The following RAPH1 variants were observed in gnomAD, a reference collection of about 807,000 sequenced individuals.
The protein encoded by RAPH1 is ras-associated and pleckstrin homology domains-containing protein 1.
A neutral mutation model predicts 88.1 loss-of-function variants in RAPH1; 18 were observed. The ratio of observed to expected loss-of-function variants is 0.20; its 90% CI spans 0.14 to 0.30. The LOEUF is 0.30. Among genes scored for constraint, RAPH1 ranks in the 10% least tolerant of loss-of-function variants. The probability of loss-of-function intolerance (pLI) is 1.00; values close to 1 mark genes in which losing one functional copy is unlikely to be tolerated. For synonymous variants in RAPH1, 587 were observed against 559.0 expected (o/e 1.05, Z -0.71); for missense variants, 1,448 against 1,543.2 (o/e 0.94, Z 1.03).
At chr2:203,521,202 T>C (rs2105966292) in intron 1 of RAPH1, among the ~76,000 whole-genome samples, 1 of 152,082 alleles carries the variant, frequency 6.6e-6, no homozygotes, top group South Asian at 2.1e-4. Flanking sequence ...TACAGGTAGG[T>C]GCCACCATAC....
In RAPH1 at chr2:203,437,664, T is replaced by G. The variant is rs140938480; in HGVS notation, c.*1773A>C. 1,126 of 153,592 alleles carry G rather than the reference T, an allele frequency of 7.3e-3. 4 individuals carry two copies. The highest frequency in any genetic ancestry group is 0.013 in the Middle Eastern group (4 of 298). The allele number at this position is 153,592 out of a possible 1,614,324, so 9.5% of individuals were successfully genotyped here. On this transcript the variant is annotated 3_prime_UTR_variant, in exon 14 of 14. Coordinates refer to ENST00000319170, the MANE Select transcript of RAPH1 (RefSeq NM_213589.3). ...CAATGGAGAGGTGCTGTTCACTCTC[T>G]GTTTACGATGCGGTTTTCGTGGAGT...
At chr2:203,489,490 TAGA>T in intron 4 of RAPH1, 91 bp downstream of exon 4, 2 of 936,954 alleles carry the variant, frequency 2.1e-6, no homozygotes, top group African/African-American at 1.7e-5. Flanking sequence ...ATTATAAATG[TAGA>T]AGAATTTAAG....
intron 10 of RAPH1, among the ~76,000 whole-genome samples, chr2:203,450,960 T>G (rs912937723): frequency 5.9e-5 from 9 of 152,070 alleles, no homozygotes; most frequent in African/African-American, 1.9e-4. Flanking sequence ...TCCTCCACCC[T>G]GTTCTCCTCA....
chr2:203,451,369 A>G (rs974312384), intron 10 of RAPH1, among the ~76,000 whole-genome samples: 4 of 152,126 alleles, frequency 2.6e-5, no homozygotes, highest in Non-Finnish European at 4.4e-5. Context: ...AGCGCTCAAA[A>G]TTGCTTCCGA....
chr2:203,470,138 C>A, intron 4 of RAPH1: 1 of 719,240 alleles, frequency 1.4e-6, no homozygotes, highest in Non-Finnish European at 2.3e-6. Flanking sequence ...GACAAAGATG[C>A]TAGAGTAAGA....
At chr2:203,475,157 C>T (rs940085882) in intron 4 of RAPH1, among the ~76,000 whole-genome samples, 1 of 152,198 alleles carries the variant, frequency 6.6e-6, no homozygotes, top group African/African-American at 2.4e-5. Flanking sequence ...CCTGTAATCC[C>T]AGCACCTTGG....
chr2:203,499,940 A>G (rs566554173), intron 1 of RAPH1, among the ~76,000 whole-genome samples: 1 of 152,306 alleles, frequency 6.6e-6, no homozygotes, highest in Admixed American at 6.5e-5. Flanking sequence ...ATCTTGGGTC[A>G]GCCCTCTAAA....
rs1254240215 is a variant in RAPH1, at chr2:203,438,734, T to A, written c.*703A>T. The A allele has an allele frequency of 6.5e-6, 1 of 154,684 alleles. No homozygotes were observed. 9.6% of individuals were successfully genotyped at this position (154,684 alleles called of 1,614,324 possible). A position where few individuals can be genotyped will look rare whatever the true frequency, so the allele number is the denominator to read the frequency against. On this transcript the variant is annotated 3_prime_UTR_variant, in exon 14 of 14. Transcript: ENST00000319170. Reference sequence around the variant, plus strand: ...AGTACTGCAGCTAGAACAGCTGAGTTAATTACGCCATGTATTTACTTTCTA... The same window carrying A: ...AGTACTGCAGCTAGAACAGCTGAGTAAATTACGCCATGTATTTACTTTCTA...
chr2:203,521,158 AT>A (rs777801938), intron 1 of RAPH1, among the ~76,000 whole-genome samples: 2 of 152,078 alleles, frequency 1.3e-5, no homozygotes, highest in African/African-American at 2.4e-5. Flanking sequence ...GGTTCAAGTG[AT>A]TCTCCTGCTT....
chr2:203,454,783 G>A (rs139771749), intron 9 of RAPH1, among the ~76,000 whole-genome samples: 121 of 152,248 alleles, frequency 7.9e-4, no homozygotes, highest in African/African-American at 2.7e-3. Context: ...ACTTGTTAAG[G>A]AGTGTTGGCA....
rs965868561 is a variant in RAPH1, at chr2:203,436,409, G to T, written c.*3028C>A. The T allele has an allele frequency of 1.3e-5, 2 of 152,168 alleles. No homozygotes were observed. Among genetic ancestry groups the T allele is most frequent in the Non-Finnish European group, 2.9e-5 (2 of 68,040 alleles). 9.4% of individuals were successfully genotyped at this position (152,168 alleles called of 1,614,324 possible). ...AATTACAGCGTCTAAGGGGGGGAAAGAAAGCATCTGAGCAGTAAAAGTCAA... is the reference window on the plus strand; with the variant it reads ...AATTACAGCGTCTAAGGGGGGGAAATAAAGCATCTGAGCAGTAAAAGTCAA... On this transcript the variant is annotated 3_prime_UTR_variant, in exon 14 of 14. Coordinates refer to ENST00000319170, the MANE Select transcript of RAPH1 (RefSeq NM_213589.3).
rs1460507369 is a variant in RAPH1, at chr2:203,439,621, C to G, written c.3569G>C (p.Arg1190Thr). 2.5e-6 allele frequency: 4 copies of G among 1,614,010 alleles called. No individual in the cohort carries two copies. In the African/African-American group the frequency reaches 4.0e-5, roughly 16 times the overall value. The stretch of plus-strand genomic sequence containing the variant: ...ATCCATGGTGGCTGTTGGTTCTGCT[C>G]TGGACATGCGGGAGGAGAGTGAGCC... ...RHGSLSSRMS[R>T]AEPTATMDDM... Residue 1190 changes from arginine to threonine, a missense_variant, in exon 14 of 14, where the codon AGA (arginine) becomes ACA (threonine). Coordinates refer to ENST00000319170, the MANE Select transcript of RAPH1 (RefSeq NM_213589.3).
intron 4 of RAPH1, among the ~76,000 whole-genome samples, chr2:203,466,470 G>A (rs989715696): frequency 1.3e-5 from 2 of 152,186 alleles, no homozygotes; most frequent in Non-Finnish European, 2.9e-5. Flanking sequence ...TTGCTGATAC[G>A]TTTAGATGAC....
At chr2:203,444,761 C>G in intron 13 of RAPH1, 107 bp downstream of exon 13, 1 of 1,003,682 alleles carries the variant, frequency 1.0e-6, no homozygotes, top group Non-Finnish European at 1.5e-6. Context: ...ATAAAGGAGA[C>G]TGAAATAAGG....
intron 1 of RAPH1, 61 bp from the exon 2 acceptor site, chr2:203,495,414 T>C (rs996330142): frequency 1.2e-5 from 19 of 1,540,646 alleles, no homozygotes; most frequent in African/African-American, 2.7e-5. Context: ...TGAAAAATTA[T>C]GCCATATATG....
chr2:203,480,441 G>A (rs1687673435), intron 4 of RAPH1, among the ~76,000 whole-genome samples: 1 of 152,174 alleles, frequency 6.6e-6, no homozygotes, highest in Admixed American at 6.5e-5. Context: ...ACAGCTACTA[G>A]GGAGGCTGAG....
At position 203,440,610 on chromosome 2, in the gene RAPH1, C is replaced by G. The variant is rs114111739; in HGVS notation, c.2580G>C (p.Ser860=). Residue 860 remains serine (S), a synonymous_variant, in exon 14 of 14, where the codon TCG becomes TCC. Transcript: ENST00000319170. The part of the protein sequence containing the change: ...PPPSPLSPVP[S]VVKQIASQFP... ...ACTGGCTGGCTATCTGCTTCACGAC[C>G]GAGGGCACCGGTGACAGTGGAGAGG... is the stretch of plus-strand genomic sequence containing the variant. 6 of 1,543,650 alleles carry G rather than the reference C, an allele frequency of 3.9e-6. No homozygotes were observed. The Admixed American group carries it at 7.7e-5, about 20-fold the overall frequency.
intron 8 of RAPH1, among the ~76,000 whole-genome samples, chr2:203,456,221 T>C (rs1192925681): frequency 4.6e-5 from 7 of 152,326 alleles, no homozygotes; most frequent in Admixed American, 3.3e-4. Context: ...CTGAGTTGCA[T>C]GTAACAGTAG....
intron 4 of RAPH1, among the ~76,000 whole-genome samples, chr2:203,471,857 G>A (rs1369679903): frequency 2.0e-5 from 3 of 150,092 alleles, no homozygotes; most frequent in African/African-American, 7.3e-5. Context: ...TTTTTTAATT[G>A]GACATATTCA....
Sources: gnomAD v4.1 joint callset for allele counts (sites outside exome capture counted in the v4.1 genomes callset) on GRCh38, gnomAD v4.1.1 for gene constraint, MANE v1.5 for transcripts, NCBI Gene and HGNC (gene_info 2026-07-23, HGNC 2026-07-21) for gene names.